Variants in QTGAL observed in about 807,000 individuals in gnomAD.
QTGAL encodes queuosine-tRNA galactosyltransferase.
the QTGAL span, among the ~76,000 whole-genome samples, chr17:83,024,664 C>T: frequency 6.6e-6 from 1 of 152,360 alleles, no homozygotes; most frequent in East Asian, 1.9e-4. Flanking sequence ...TAACACGCCC[C>T]CGGGGCTGAG....
chr17:82,945,933 G>C, the QTGAL span: 1 of 152,278 alleles, frequency 6.6e-6, no homozygotes, highest in East Asian at 1.9e-4. Context: ...GCTTATATGT[G>C]GATTTTTTTT....
At chr17:83,024,253 C>T in the QTGAL span, among the ~76,000 whole-genome samples, 6 of 152,172 alleles carry the variant, frequency 3.9e-5, no homozygotes, top group African/African-American at 1.4e-4. Context: ...GCCACAGCTC[C>T]TGGCCAGCTC....
chr17:82,956,207 T>C, the QTGAL span, among the ~76,000 whole-genome samples: 3 of 150,846 alleles, frequency 2.0e-5, no homozygotes. The surrounding 1 kb of genome is among the most constrained non-coding windows in gnomAD (Gnocchi z 5.7). Context: ...GCAGCCAGCC[T>C]GGACTCCCCA....
the QTGAL span, among the ~76,000 whole-genome samples, chr17:82,997,787 C>T: frequency 6.6e-6 from 1 of 152,008 alleles, no homozygotes; most frequent in African/African-American, 2.4e-5. Context: ...ACAAACTTCA[C>T]ATGTTCTCGC....
chr17:83,042,344 G>A, the QTGAL span, among the ~76,000 whole-genome samples: 2 of 152,214 alleles, frequency 1.3e-5, no homozygotes, highest in African/African-American at 4.8e-5. Flanking sequence ...TCCAGCCTGG[G>A]TGATGGAGTG....
the QTGAL span, among the ~76,000 whole-genome samples, chr17:83,050,143 G>T: frequency 6.6e-6 from 1 of 152,146 alleles, no homozygotes; most frequent in Non-Finnish European, 1.5e-5. Context: ...GGCCGAGGCG[G>T]GCAGATCATC....
the QTGAL span, among the ~76,000 whole-genome samples, chr17:83,029,671 A>G: frequency 5.3e-5 from 8 of 152,154 alleles, no homozygotes; most frequent in African/African-American, 1.9e-4. Context: ...GCCTTTCCTC[A>G]TGGTTCAGGA....
At chr17:82,954,878 G>A in the QTGAL span, among the ~76,000 whole-genome samples, 2 of 152,132 alleles carry the variant, frequency 1.3e-5, no homozygotes, top group Admixed American at 6.5e-5. Flanking sequence ...ACAAGCAATG[G>A]GGAAAGGATT....
the QTGAL span, among the ~76,000 whole-genome samples, chr17:83,008,230 G>A: frequency 6.6e-6 from 1 of 152,222 alleles, no homozygotes; most frequent in Non-Finnish European, 1.5e-5. Flanking sequence ...GGCCTGAGAG[G>A]CTGGCTAACT....
At chr17:83,027,056 C>G in the QTGAL span, among the ~76,000 whole-genome samples, 6 of 130,204 alleles carry the variant, frequency 4.6e-5, no homozygotes, top group Admixed American at 7.9e-5. Context: ...ACACGCAGAG[C>G]AGGGCGGGGA....
the QTGAL span, among the ~76,000 whole-genome samples, chr17:82,969,582 C>T: frequency 7.2e-5 from 11 of 152,314 alleles, no homozygotes; most frequent in African/African-American, 1.4e-4. Flanking sequence ...GGTGGGAATT[C>T]GAGCCTCGCC....
the QTGAL span, among the ~76,000 whole-genome samples, chr17:82,997,637 AT>A: frequency 4.6e-5 from 7 of 152,226 alleles, no homozygotes; most frequent in African/African-American, 1.7e-4. Context: ...AACAATCTAA[AT>A]GTCTATCATC....
chr17:82,986,043 G>T, the QTGAL span, among the ~76,000 whole-genome samples: 1 of 152,174 alleles, frequency 6.6e-6, no homozygotes, highest in Admixed American at 6.5e-5. Flanking sequence ...GTCTTCAGGA[G>T]CCCTGCTCAG....
chr17:82,964,255 C>CAAAAAAAAAAAAAAAA, the QTGAL span, among the ~76,000 whole-genome samples: 1 of 72,464 alleles, frequency 1.4e-5, no homozygotes, highest in Non-Finnish European at 2.4e-5. Flanking sequence ...GACCCTGTCT[C>CAAAAAAAAAAAAAAAA]AAAAAAAAAA....
At chr17:82,986,970 C>T in the QTGAL span, among the ~76,000 whole-genome samples, 2 of 152,194 alleles carry the variant, frequency 1.3e-5, no homozygotes, top group African/African-American at 2.4e-5. Context: ...CTGACCATAC[C>T]CCCACGAGGC....
the QTGAL span, among the ~76,000 whole-genome samples, chr17:82,982,787 G>A: frequency 6.6e-6 from 1 of 152,194 alleles, no homozygotes; most frequent in Non-Finnish European, 1.5e-5. Flanking sequence ...CCTGATTGTC[G>A]TGTTGATCTG....
the QTGAL span, chr17:82,960,927 G>T: frequency 7.4e-7 from 1 of 1,356,154 alleles, no homozygotes; most frequent in Non-Finnish European, 9.8e-7. Flanking sequence ...TGTCCCACCA[G>T]ACCCTGGGTC....
the QTGAL span, among the ~76,000 whole-genome samples, chr17:82,963,396 G>A: frequency 6.6e-6 from 1 of 152,292 alleles, no homozygotes; most frequent in East Asian, 1.9e-4. Context: ...GGGAGAGCTC[G>A]AGCCAGGGCC....
chr17:83,040,454 C>G, the QTGAL span, among the ~76,000 whole-genome samples: 1 of 152,164 alleles, frequency 6.6e-6, no homozygotes, highest in Admixed American at 6.5e-5. Context: ...AGAACACAAG[C>G]TAATCATTCA....
Sources: allele counts gnomAD v4.1 joint callset (sites outside exome capture counted in the v4.1 genomes callset), GRCh38; gene constraint gnomAD v4.1.1; non-coding constraint Gnocchi (gnomAD v3.1); transcripts MANE v1.5; gene names NCBI Gene and HGNC (gene_info 2026-07-23, HGNC 2026-07-21).